The following CBFA2T2 variants were observed in gnomAD, a reference collection of about 807,000 sequenced individuals.
CBFA2T2 encodes CBFA2/RUNX1 partner transcriptional co-repressor 2, also known as protein CBFA2T2.
Under a neutral mutation model 62.2 loss-of-function variants are expected in CBFA2T2, and 11 were observed. That is an observed-to-expected ratio of 0.18 (90% confidence interval 0.11 to 0.29). CBFA2T2 has a LOEUF of 0.29. CBFA2T2 is among the 10% of genes least tolerant of loss of function. The probability of loss-of-function intolerance (pLI) is 1.00; values close to 1 mark genes in which losing one functional copy is unlikely to be tolerated. For missense variants in CBFA2T2, 592 were observed against 774.1 expected, an observed-to-expected ratio of 0.76 and a Z score of 2.79; for synonymous variants, 295 against 287.5, an observed-to-expected ratio of 1.03 and a Z score of -0.27.
At chr20:33,632,485 T>C (rs2016487878) in intron 8 of CBFA2T2, among the ~76,000 whole-genome samples, 1 of 151,878 alleles carries the variant, frequency 6.6e-6, no homozygotes, top group Non-Finnish European at 1.5e-5. Context: ...TTTTTTTTTT[T>C]TTTAACAGAG....
chr20:33,540,889 G>GT (rs1288902922), intron 1 of CBFA2T2, among the ~76,000 whole-genome samples: 2 of 152,184 alleles, frequency 1.3e-5, no homozygotes, highest in Admixed American at 6.5e-5. Flanking sequence ...TTCTGGAGTT[G>GT]TGCTCTACAG....
intron 1 of CBFA2T2, among the ~76,000 whole-genome samples, chr20:33,542,108 A>G (rs960545301): frequency 3.3e-5 from 5 of 152,028 alleles, no homozygotes; most frequent in African/African-American, 1.2e-4. Context: ...GGATTCCTGG[A>G]CCCCCTATTC....
At chr20:33,504,150 G>A (rs2011358621) in intron 1 of CBFA2T2, among the ~76,000 whole-genome samples, 3 of 151,988 alleles carry the variant, frequency 2.0e-5, no homozygotes, top group Admixed American at 2.0e-4. Flanking sequence ...TGTGTCTGAT[G>A]TGTTTCACTT....
At chr20:33,500,320 C>T (rs1238627994) in intron 1 of CBFA2T2, among the ~76,000 whole-genome samples, 1 of 151,932 alleles carries the variant, frequency 6.6e-6, no homozygotes, top group Admixed American at 6.6e-5. Context: ...GGTTTTTAGA[C>T]ATGTGTTCTA....
chr20:33,574,737 G>A (rs2013744598), intron 1 of CBFA2T2, among the ~76,000 whole-genome samples: 1 of 152,208 alleles, frequency 6.6e-6, no homozygotes, highest in Admixed American at 6.5e-5. Context: ...AGAATTTCAT[G>A]GGGGTATTTT....
intron 9 of CBFA2T2, 102 bp downstream of exon 9, chr20:33,636,810 T>A: frequency 1.2e-6 from 1 of 839,406 alleles, no homozygotes; most frequent in Non-Finnish European, 2.0e-6. Context: ...TTTGGTTGTA[T>A]AATAACTTGC....
chr20:33,638,075 A>G (rs1230600237), intron 9 of CBFA2T2, among the ~76,000 whole-genome samples: 3 of 148,320 alleles, frequency 2.0e-5, no homozygotes, highest in Non-Finnish European at 4.4e-5. Flanking sequence ...CCCAGGTTCA[A>G]GCAACTCTTC....
At chr20:33,536,565 C>G (rs2012246876) in intron 1 of CBFA2T2, among the ~76,000 whole-genome samples, 2 of 151,100 alleles carry the variant, frequency 1.3e-5, no homozygotes, top group African/African-American at 4.9e-5. Flanking sequence ...GTAGGGGCTC[C>G]TCACTTCTCA....
At position 33,644,475 on chromosome 20, in the gene CBFA2T2, T is replaced by C. The variant is rs748302476; in HGVS notation, c.1617T>C (p.His539=). 8 of 1,614,216 alleles carry C rather than the reference T, an allele frequency of 5.0e-6. No individual in the cohort carries two copies. The Admixed American group carries it at 5.0e-5, about 10-fold the overall frequency. Residue 539 remains histidine (H), a synonymous_variant, in exon 11 of 11, where the codon CAT becomes CAC. Transcript: ENST00000342704. ...RHHRLCGQNL[H]GQSPHGQGRP... ...ACCGCCTCTGTGGTCAGAACCTGCA[T>C]GGCCAGAGCCCCCACGGCCAGGGCC...
chr20:33,568,364 CCTAA>C (rs568692397), intron 1 of CBFA2T2, among the ~76,000 whole-genome samples: 66 of 152,238 alleles, frequency 4.3e-4, no homozygotes, highest in Middle Eastern at 6.8e-3. Context: ...AACCCAGTTC[CCTAA>C]CTAATTCTAA....
chr20:33,624,003 A>G (rs2016112659), intron 5 of CBFA2T2: 1 of 567,340 alleles, frequency 1.8e-6, no homozygotes, highest in East Asian at 2.9e-5. Flanking sequence ...AAAGAAATAC[A>G]ATCTGCCAAA....
intron 8 of CBFA2T2, among the ~76,000 whole-genome samples, chr20:33,632,023 T>C (rs1446791034): frequency 6.6e-6 from 1 of 152,078 alleles, no homozygotes; most frequent in East Asian, 1.9e-4. Flanking sequence ...ACTGTGAAAT[T>C]AGTTCTTTTT....
chr20:33,578,689 A>G (rs1048035313), intron 1 of CBFA2T2, among the ~76,000 whole-genome samples: 8 of 152,168 alleles, frequency 5.3e-5, no homozygotes, highest in Non-Finnish European at 2.9e-5. Flanking sequence ...TTTCTCTTGA[A>G]TAGGAGAAAA....
chr20:33,512,364 T>C (rs1442275725), intron 1 of CBFA2T2, among the ~76,000 whole-genome samples: 2 of 152,020 alleles, frequency 1.3e-5, no homozygotes, highest in Admixed American at 1.3e-4. Flanking sequence ...AAAAAAAAAG[T>C]AAAAGAAAAC....
rs921893505 is a variant in CBFA2T2 at position 33,649,296 on chromosome 20, T to G, written c.*4650T>G. 1 of 152,628 alleles carries G rather than the reference T, an allele frequency of 6.6e-6. No individual in the cohort carries two copies. Among genetic ancestry groups the G allele is most frequent in the African/African-American group, 2.4e-5 (1 of 41,460 alleles). The allele number at this position is 152,628 out of a possible 1,614,324, so 9.5% of individuals were successfully genotyped here. On this transcript the variant is annotated 3_prime_UTR_variant, in exon 11 of 11. Transcript: ENST00000342704. ...CTGTCGAGAGCAGCCCTGCCCAGATTGCGGTGGGGGCTGTGCCAGCGGCTC... is the reference window on the plus strand; with the variant it reads ...CTGTCGAGAGCAGCCCTGCCCAGATGGCGGTGGGGGCTGTGCCAGCGGCTC...
intron 1 of CBFA2T2, among the ~76,000 whole-genome samples, chr20:33,596,157 G>A (rs2014873534): frequency 6.6e-6 from 1 of 152,204 alleles, no homozygotes; most frequent in African/African-American, 2.4e-5. Flanking sequence ...TCAGCTAAGA[G>A]ATGGTCTTAA....
chr20:33,642,116 T>TTTTGTGTG (rs1313728159), intron 10 of CBFA2T2, among the ~76,000 whole-genome samples: 16 of 59,000 alleles, frequency 2.7e-4, no homozygotes, highest in African/African-American at 7.6e-4. Context: ...TTTTTTTTTT[T>TTTTGTGTG]TGTGTGTGTG....
chr20:33,610,879 G>A (rs1031757304), intron 2 of CBFA2T2, among the ~76,000 whole-genome samples: 3 of 152,120 alleles, frequency 2.0e-5, no homozygotes, highest in Non-Finnish European at 4.4e-5. Context: ...TATTGCTCTG[G>A]GAGCACTCTG....
At chr20:33,614,858 A>G (rs189151805) in intron 3 of CBFA2T2, among the ~76,000 whole-genome samples, 2 of 152,296 alleles carry the variant, frequency 1.3e-5, no homozygotes, top group Non-Finnish European at 2.9e-5. Context: ...TTTTATATCA[A>G]TGTAGGAAAC....
Sources: allele counts gnomAD v4.1 joint callset (sites outside exome capture counted in the v4.1 genomes callset), GRCh38; gene constraint gnomAD v4.1.1; transcripts MANE v1.5; gene names NCBI Gene and HGNC (gene_info 2026-07-23, HGNC 2026-07-21).